The following ZNF500 variants were observed in gnomAD, a reference collection of about 807,000 sequenced individuals.
The protein encoded by ZNF500 is zinc finger protein with KRAB and SCAN domains 18.
Under a neutral mutation model 30.1 loss-of-function variants are expected in ZNF500, and 31 were observed. That is an observed-to-expected ratio of 1.03 (90% CI 0.77 to 1.39). The LOEUF (loss-of-function observed/expected upper bound fraction) is 1.39, where lower values mean the gene tolerates loss of function less well. Ranked by LOEUF, ZNF500 falls within the 40% of genes most tolerant of loss-of-function variation. ZNF500 has a pLI of 0.00. For synonymous variants in ZNF500, 392 were observed against 282.0 expected (o/e 1.39, Z -3.91); for missense variants, 817 against 657.8 (o/e 1.24, Z -2.65).
chr16:4,763,825 G>A (rs547426585), intron 2 of ZNF500: 48 of 985,412 alleles, frequency 4.9e-5, no homozygotes, highest in South Asian at 3.8e-4. Context: ...TTCTGACTGC[G>A]GTCAGCTCAC....
chr16:4,747,701 CTTG>C (rs1462020800), downstream of ZNF500: 6 of 1,467,648 alleles, frequency 4.1e-6, no homozygotes, highest in Middle Eastern at 2.5e-4. Flanking sequence ...CCGGTGTCCC[CTTG>C]TTGTTCCTGC....
chr16:4,755,563 C>T (rs913707352), intron 5 of ZNF500, among the ~76,000 whole-genome samples: 6 of 152,166 alleles, frequency 3.9e-5, no homozygotes, highest in East Asian at 3.8e-4. Context: ...GTGACCCAAC[C>T]GCCTTGGCCT....
At chr16:4,755,314 C>CTTAT (rs1370071910) in intron 5 of ZNF500, among the ~76,000 whole-genome samples, 1 of 151,702 alleles carries the variant, frequency 6.6e-6, no homozygotes, top group Non-Finnish European at 1.5e-5. Flanking sequence ...AATATTTTTA[C>CTTAT]TTATTTATTT....
chr16:4,764,201 G>A (rs1036264984), intron 2 of ZNF500: 1 of 520,016 alleles, frequency 1.9e-6, no homozygotes, highest in African/African-American at 2.1e-5. Context: ...CCCTTGAGAG[G>A]TGGTCAGTGT....
At chr16:4,747,140 C>T (rs2082027991), downstream of ZNF500, 92 of 1,228,854 alleles carry the variant, frequency 7.5e-5, 3 homozygotes, top group South Asian at 1.4e-3. Context: ...ACCCACCGCA[C>T]AGGGTGAGGG....
At chr16:4,760,168 T>C (rs1596502049) in intron 5 of ZNF500, among the ~76,000 whole-genome samples, 1 of 152,038 alleles carries the variant, frequency 6.6e-6, no homozygotes, top group South Asian at 2.1e-4. Flanking sequence ...CTCAGTGTGA[T>C]GGGGAGAGGC....
chr16:4,763,676 G>A, intron 2 of ZNF500: 3 of 985,450 alleles, frequency 3.0e-6, no homozygotes, highest in Non-Finnish European at 3.6e-6. Flanking sequence ...TGGCCATGAG[G>A]CATGTGTGCA....
At chr16:4,758,277 C>G (rs1178648389) in intron 5 of ZNF500, 1 of 152,094 alleles carries the variant, frequency 6.6e-6, no homozygotes, top group African/African-American at 2.4e-5. Flanking sequence ...GGCTCTGGCG[C>G]CGGGTAAGTA....
chr16:4,758,356 G>A (rs2082160820), intron 5 of ZNF500: 1 of 152,240 alleles, frequency 6.6e-6, no homozygotes, highest in Non-Finnish European at 1.5e-5. Context: ...GGTGGACAGA[G>A]CTGGGCAGAA....
At chr16:4,747,901 G>A (rs565933820), downstream of ZNF500, among the ~76,000 whole-genome samples, 6 of 152,326 alleles carry the variant, frequency 3.9e-5, no homozygotes, top group African/African-American at 1.4e-4. Flanking sequence ...GGCAGGGACA[G>A]CAGGAGGACG....
chr16:4,745,060 C>G (rs2081997065), downstream of ZNF500: 5 of 1,590,112 alleles, frequency 3.1e-6, no homozygotes, highest in East Asian at 1.1e-4. Context: ...AGAATGGCCC[C>G]ATGGTTTTGT....
downstream of ZNF500, chr16:4,747,313 T>A: frequency 6.5e-7 from 1 of 1,528,702 alleles, no homozygotes; most frequent in African/African-American, 1.4e-5. Context: ...CCCCACGGGG[T>A]TGAGTGAATT....
chr16:4,761,478 TACACAC>T (rs71139657), intron 4 of ZNF500, among the ~76,000 whole-genome samples: 12,297 of 129,576 alleles, frequency 0.095, 659 homozygotes, highest in Admixed American at 0.15. Flanking sequence ...TACACATACA[TACACAC>T]ACACACACAC....
chr16:4,751,984 G>T lies in ZNF500; in HGVS notation c.*392C>A. On this transcript the variant is annotated 3_prime_UTR_variant, in exon 6 of 6. Transcript: ENST00000219478. Reference sequence around the variant, plus strand: ...CAGGGTCACAGACACACAGGAGAGGGGTTGGGACGTGGGGATGAGGCTGTA... The same window carrying T: ...CAGGGTCACAGACACACAGGAGAGGTGTTGGGACGTGGGGATGAGGCTGTA... The T allele has an allele frequency of 2.2e-6, 2 of 905,788 alleles. No homozygotes were observed. Among genetic ancestry groups the T allele is most frequent in the Non-Finnish European group, 3.0e-6 (2 of 674,540 alleles). The allele number at this position is 905,788 out of a possible 1,614,324, so 56.1% of individuals were successfully genotyped here.
intron 1 of ZNF500, among the ~76,000 whole-genome samples, chr16:4,766,296 A>G (rs996522556): frequency 1.3e-5 from 2 of 152,188 alleles, no homozygotes; most frequent in African/African-American, 2.4e-5. Context: ...AACAGAGATG[A>G]TAACAGGACC....
Position 4,749,387 on chromosome 16 carries a change from C to G in ZNF500, c.*2989G>C, listed in dbSNP as rs2082057250. The G allele has an allele frequency of 6.5e-6, 1 of 154,434 alleles. No individual in the cohort carries two copies. The highest frequency in any genetic ancestry group is 6.5e-5 in the Admixed American group (1 of 15,292). The allele number at this position is 154,434 out of a possible 1,614,324, so 9.6% of individuals were successfully genotyped here. On this transcript the variant is annotated 3_prime_UTR_variant, in exon 6 of 6. Transcript: ENST00000219478. The stretch of plus-strand genomic sequence containing the variant: ...ACAGTGATGGAAAATAAACTCTGTT[C>G]CAAGTTCAACTCTGAATTACTGTGT...
intron 5 of ZNF500, chr16:4,758,487 G>A (rs1465227076): frequency 6.6e-6 from 1 of 152,156 alleles, no homozygotes; most frequent in African/African-American, 2.4e-5. Flanking sequence ...CAGGTAATGT[G>A]CGCTCAGAGA....
rs1002964745 is a variant in ZNF500 at position 4,752,337 on chromosome 16, G to A, written c.*39C>T. On this transcript the variant is annotated 3_prime_UTR_variant, in exon 6 of 6. Transcript: ENST00000219478. ...AGCAGTTTCCTGAATTCTGTGCCCAGGGATGAGAGTCCTGGAAAGGGAGTT... is the reference window on the plus strand; with the variant it reads ...AGCAGTTTCCTGAATTCTGTGCCCAAGGATGAGAGTCCTGGAAAGGGAGTT... 2 of 1,447,878 alleles carry A rather than the reference G, an allele frequency of 1.4e-6. No homozygotes were observed. Among genetic ancestry groups the A allele is most frequent in the Admixed American group, 5.5e-5 (2 of 36,596 alleles). 89.7% of individuals were successfully genotyped at this position (1,447,878 alleles called of 1,614,324 possible). A position where few individuals can be genotyped will look rare whatever the true frequency, so the allele number is the denominator to read the frequency against.
chr16:4,757,819 G>A (rs1163348723), intron 5 of ZNF500, among the ~76,000 whole-genome samples: 2 of 150,316 alleles, frequency 1.3e-5, no homozygotes, highest in African/African-American at 2.5e-5. Flanking sequence ...GGCCAGGATG[G>A]ACTCGATCTC....
Sources: allele counts gnomAD v4.1 joint callset (sites outside exome capture counted in the v4.1 genomes callset), GRCh38; gene constraint gnomAD v4.1.1; transcripts MANE v1.5; gene names NCBI Gene and HGNC (gene_info 2026-07-23, HGNC 2026-07-21).